Variants in TIGAR observed in about 807,000 individuals in gnomAD.
TIGAR encodes fructose-2,6-bisphosphatase TIGAR.
Under a neutral mutation model 17.9 loss-of-function variants are expected in TIGAR, and 7 were observed. The observed-to-expected ratio is 0.39, with a 90% confidence interval of 0.22 to 0.73. TIGAR has a LOEUF of 0.73. TIGAR is among the 30% of genes least tolerant of loss of function. The probability of loss-of-function intolerance (pLI) is 0.42; values close to 1 mark genes in which losing one functional copy is unlikely to be tolerated. For missense variants in TIGAR, 258 were observed against 327.4 expected (o/e 0.79, Z 1.64); for synonymous variants, 94 against 108.6 (o/e 0.87, Z 0.84).
chr12:4,324,963 A>G (rs1287039446), intron 1 of TIGAR, among the ~76,000 whole-genome samples: 1 of 149,822 alleles, frequency 6.7e-6, no homozygotes, highest in Admixed American at 6.6e-5. Context: ...TTTTGACGAA[A>G]CGGAGTTTCA....
chr12:4,331,447 G>A, intron 2 of TIGAR, 130 bp downstream of exon 2: 2 of 834,062 alleles, frequency 2.4e-6, no homozygotes, highest in East Asian at 2.5e-5. Context: ...CAGAATCAAA[G>A]CATCATAACC....
chr12:4,349,015 C>G (rs1391699152), intron 3 of TIGAR, among the ~76,000 whole-genome samples: 1 of 152,040 alleles, frequency 6.6e-6, no homozygotes, highest in African/African-American at 2.4e-5. Flanking sequence ...AATTCTAGAA[C>G]TAAAAATACA....
At chr12:4,350,360 T>A (rs564888898) in intron 4 of TIGAR, among the ~76,000 whole-genome samples, 1 of 152,328 alleles carries the variant, frequency 6.6e-6, no homozygotes, top group African/African-American at 2.4e-5. Flanking sequence ...TATTGCCAAG[T>A]TGCCTTCCAG....
intron 3 of TIGAR, among the ~76,000 whole-genome samples, chr12:4,346,306 G>A (rs1454413737): frequency 6.6e-6 from 1 of 152,146 alleles, no homozygotes; most frequent in African/African-American, 2.4e-5. Context: ...ACATACACAT[G>A]TATGTTTATT....
At chr12:4,337,571 A>G (rs1399502028) in intron 3 of TIGAR, among the ~76,000 whole-genome samples, 1 of 152,270 alleles carries the variant, frequency 6.6e-6, no homozygotes, top group Non-Finnish European at 1.5e-5. Flanking sequence ...CCAAACAGAC[A>G]TGACCTTCCT....
chr12:4,358,287 CA>C lies in TIGAR; in HGVS notation c.*5611del, dbSNP rs1203284222. 0.19 allele frequency among the ~76,000 whole-genome samples: 20,902 copies of C among 109,506 alleles called. 2,325 individuals are homozygous for C. Among genetic ancestry groups the C allele is most frequent in the African/African-American group, 0.38 (12,378 of 32,474 alleles). The allele number at this position is 109,506 out of a possible 152,430, so 71.8% of individuals were successfully genotyped here. A position where few individuals can be genotyped will look rare whatever the true frequency, so the allele number is the denominator to read the frequency against. On this transcript the variant is annotated 3_prime_UTR_variant, in exon 6 of 6. Transcript: ENST00000179259. The stretch of plus-strand genomic sequence containing the variant: ...AATACAAAAATTAGCTGGGCGTCTC[CA>C]AAAAAAAAAAAAAAGAAAAAGAAAA...
rs77674496 is a variant in TIGAR, at chr12:4,356,456, A to G, written c.*3765A>G. On this transcript the variant is annotated 3_prime_UTR_variant, in exon 6 of 6. Coordinates refer to ENST00000179259, the MANE Select transcript of TIGAR (RefSeq NM_020375.3). Reference sequence around the variant, plus strand: ...AAACTTTAATTTCCCAGCAAAAGTGAGAGGAAGGTAGAGAGATTTCCCATC... The same window carrying G: ...AAACTTTAATTTCCCAGCAAAAGTGGGAGGAAGGTAGAGAGATTTCCCATC... Among the ~76,000 whole-genome samples the G allele has an allele frequency of 8.7e-3, 1,331 of 152,302 alleles. 12 individuals are homozygous for G. The highest frequency in any genetic ancestry group is 0.013 in the Non-Finnish European group (891 of 68,022).
In TIGAR at chr12:4,324,681, C is replaced by A. The variant is rs1237896082; in HGVS notation, c.32+3378C>A. On this transcript the variant is annotated intron_variant, in intron 1 of 5. Transcript: ENST00000179259. ...TCCGCCGCAGGCCCGGGTTCACTTG[C>A]GGCCGCTGGCACGCACTGTACAGCT... 11 of 1,014,194 alleles carry A rather than the reference C, an allele frequency of 1.1e-5. No individual in the cohort carries two copies. The Admixed American group carries it at 1.6e-4, about 15-fold the overall frequency. 62.8% of individuals were successfully genotyped at this position (1,014,194 alleles called of 1,614,324 possible). A position where few individuals can be genotyped will look rare whatever the true frequency, so the allele number is the denominator to read the frequency against.
chr12:4,324,698 T>C lies in TIGAR; in HGVS notation c.32+3395T>C, dbSNP rs1312735628. The C allele has an allele frequency of 1.4e-5, 13 of 905,698 alleles. 1 individual carries two copies. In the South Asian group the frequency reaches 1.5e-4, roughly 11 times the overall value. The allele number at this position is 905,698 out of a possible 1,614,324, so 56.1% of individuals were successfully genotyped here. A position where few individuals can be genotyped will look rare whatever the true frequency, so the allele number is the denominator to read the frequency against. On this transcript the variant is annotated intron_variant, in intron 1 of 5. Coordinates refer to ENST00000179259, the MANE Select transcript of TIGAR (RefSeq NM_020375.3). ...TTCACTTGCGGCCGCTGGCACGCAC[T>C]GTACAGCTGCGTCAGCTGCTCGCAG...
At chr12:4,323,566 AGAC>A (rs1864504983) in intron 1 of TIGAR, among the ~76,000 whole-genome samples, 1 of 152,220 alleles carries the variant, frequency 6.6e-6, no homozygotes, top group Non-Finnish European at 1.5e-5. Context: ...GCTGAGACAG[AGAC>A]GCCTTGTAAC....
chr12:4,323,675 C>T (rs998258861), intron 1 of TIGAR, among the ~76,000 whole-genome samples: 4 of 152,156 alleles, frequency 2.6e-5, no homozygotes, highest in Non-Finnish European at 4.4e-5. Context: ...TTTGTTAAAA[C>T]CCGGTATTTG....
Position 4,357,959 on chromosome 12 carries a change from C to T in TIGAR, c.*5268C>T, listed in dbSNP as rs1442502549. On this transcript the variant is annotated 3_prime_UTR_variant, in exon 6 of 6. Transcript: ENST00000179259. ...TCCACTGAAAAATAGAAAAAATTAG[C>T]CAGGCCTGGTGGCCGGCGCCTGTAG... 6.6e-6 allele frequency among the ~76,000 whole-genome samples: 1 copy of T among 151,934 alleles called. No individual in the cohort carries two copies. The highest frequency in any genetic ancestry group is 1.5e-5 in the Non-Finnish European group (1 of 68,024).
chr12:4,352,553 A>C lies in TIGAR; in HGVS notation c.675A>C (p.Glu225Asp), dbSNP rs772360544. The change falls in exon 6 of 6, where the codon GAA becomes GAC. Residue 225 changes from glutamate to aspartate, a missense_variant. Coordinates refer to ENST00000179259, the MANE Select transcript of TIGAR (RefSeq NM_020375.3). ...TACCAGCCACTCTGAGCAGATCTGA[A>C]CTTATGTCAGTCACTCCCAATACAG... ...CSLPATLSRS[E>D]LMSVTPNTGM... 6.2e-7 allele frequency: 1 copy of C among 1,614,064 alleles called. No homozygotes were observed. Among genetic ancestry groups the C allele is most frequent in the Non-Finnish European group, 8.5e-7 (1 of 1,180,036 alleles).
At chr12:4,348,608 G>A (rs1331150824) in intron 3 of TIGAR, among the ~76,000 whole-genome samples, 6 of 152,082 alleles carry the variant, frequency 3.9e-5, no homozygotes, top group Admixed American at 3.9e-4. Context: ...TGAAAAAGAA[G>A]GAAAATAATT....
rs958316352 is a variant in TIGAR, at chr12:4,353,124, A to G, written c.*433A>G. On this transcript the variant is annotated 3_prime_UTR_variant, in exon 6 of 6. Coordinates refer to ENST00000179259, the MANE Select transcript of TIGAR (RefSeq NM_020375.3). ...AGTACATGTTTATATTGACTGTGTT[A>G]TATTTTTAAATCCTTTAAATAAAAA... 6.4e-6 allele frequency: 1 copy of G among 156,484 alleles called. No homozygotes were observed. The highest frequency in any genetic ancestry group is 2.4e-5 in the African/African-American group (1 of 41,570). The allele number at this position is 156,484 out of a possible 1,614,324, so 9.7% of individuals were successfully genotyped here.
rs1864885899 is a variant in TIGAR, at chr12:4,355,190, A to G, written c.*2499A>G. On this transcript the variant is annotated 3_prime_UTR_variant, in exon 6 of 6. Coordinates refer to ENST00000179259, the MANE Select transcript of TIGAR (RefSeq NM_020375.3). ...AGTTTTTGAGAACTTCTGAATGTCAAATCTTGAAATTGAAATTTGCTTTTT... is the reference window on the plus strand; with the variant it reads ...AGTTTTTGAGAACTTCTGAATGTCAGATCTTGAAATTGAAATTTGCTTTTT... Among the ~76,000 whole-genome samples the G allele has an allele frequency of 6.6e-6, 1 of 152,064 alleles. No homozygotes were observed.
intron 3 of TIGAR, among the ~76,000 whole-genome samples, chr12:4,343,698 C>T (rs1864749433): frequency 6.6e-6 from 1 of 152,160 alleles, no homozygotes; most frequent in Non-Finnish European, 1.5e-5. Flanking sequence ...AAAGAGACAA[C>T]ATACCAGAAT....
intron 3 of TIGAR, among the ~76,000 whole-genome samples, chr12:4,341,175 G>T (rs896095913): frequency 6.6e-6 from 1 of 152,094 alleles, no homozygotes; most frequent in Non-Finnish European, 1.5e-5. Flanking sequence ...TATATAAGGA[G>T]CTCAAACAAC....
At chr12:4,329,628 C>T (rs1042683445) in intron 1 of TIGAR, among the ~76,000 whole-genome samples, 10 of 152,146 alleles carry the variant, frequency 6.6e-5, no homozygotes, top group African/African-American at 2.2e-4. Flanking sequence ...TGAGCCACCA[C>T]GTCTGGCCAC....
Sources: gnomAD v4.1 joint callset for allele counts (sites outside exome capture counted in the v4.1 genomes callset) on GRCh38, gnomAD v4.1.1 for gene constraint, MANE v1.5 for transcripts, NCBI Gene and HGNC (gene_info 2026-07-23, HGNC 2026-07-21) for gene names.